The following PAPPA2 variants were observed in gnomAD, a reference collection of about 807,000 sequenced individuals.
The protein encoded by PAPPA2 is pappalysin 2.
A neutral mutation model predicts 176.4 loss-of-function variants in PAPPA2; 86 were observed. The observed-to-expected ratio is 0.49, with a 90% CI of 0.41 to 0.58. The LOEUF (loss-of-function observed/expected upper bound fraction) is 0.58. Among genes scored for constraint, PAPPA2 ranks in the 20% least tolerant of loss-of-function variants. The probability of loss-of-function intolerance (pLI) is 0.00; values close to 1 mark genes in which losing one functional copy is unlikely to be tolerated. For synonymous variants in PAPPA2, 809 were observed against 852.2 expected (o/e 0.95, Z 0.88); for missense variants, 2,073 against 2,256.9 (o/e 0.92, Z 1.65).
chr1:176,699,052 A>G, intron 7 of PAPPA2, 48 bp from the exon 8 acceptor site: 1 of 1,552,810 alleles, frequency 6.4e-7, no homozygotes, highest in South Asian at 1.2e-5. Flanking sequence ...TCATTTTCTG[A>G]CTTTTAATGG....
At chr1:176,516,060 G>GTGGCT (rs1294656051) in intron 1 of PAPPA2, among the ~76,000 whole-genome samples, 1 of 152,110 alleles carries the variant, frequency 6.6e-6, no homozygotes, top group Non-Finnish European at 1.5e-5. Context: ...ACTTTCTCTA[G>GTGGCT]TGGCTCTTGT....
chr1:176,794,115 G>A (rs1665315440), intron 20 of PAPPA2, among the ~76,000 whole-genome samples: 1 of 152,108 alleles, frequency 6.6e-6, no homozygotes, highest in African/African-American at 2.4e-5. Flanking sequence ...CCTTGCTCTG[G>A]GGGTTCTGCT....
intron 4 of PAPPA2, among the ~76,000 whole-genome samples, chr1:176,683,720 A>G (rs1659698514): frequency 6.6e-6 from 1 of 151,904 alleles, no homozygotes; most frequent in East Asian, 1.9e-4. Context: ...CCCTCAGGGA[A>G]TTTCTGGCAG....
At chr1:176,503,947 G>C (rs2294647) in intron 1 of PAPPA2, among the ~76,000 whole-genome samples, 94,698 of 151,986 alleles carry the variant, frequency 0.62, 31,376 homozygotes, top group East Asian at 0.95. Context: ...CTACAGAAGT[G>C]GGATGAAAAA....
rs146042228 is a variant in PAPPA2, at chr1:176,567,210, G to A, written c.919+9969G>A. Among the ~76,000 whole-genome samples, 27 of 152,278 alleles carry A rather than the reference G, an allele frequency of 1.8e-4. No individual in the cohort carries two copies. The East Asian group carries it at 4.8e-3, about 27-fold the overall frequency. ...GAGAACATCCAGTAAAGAAAACTCA[G>A]TGGGCAAACAAAAACATCCTAGTTC... is the stretch of plus-strand genomic sequence containing the variant. On this transcript the variant is annotated intron_variant, in intron 2 of 22. Coordinates refer to ENST00000367662, the MANE Select transcript of PAPPA2 (RefSeq NM_020318.3).
At chr1:176,514,854 T>C (rs1172139250) in intron 1 of PAPPA2, among the ~76,000 whole-genome samples, 1 of 152,212 alleles carries the variant, frequency 6.6e-6, no homozygotes, top group Non-Finnish European at 1.5e-5. Flanking sequence ...CTGGTAGAGT[T>C]TGCCCATTCC....
chr1:176,786,155 G>A (rs1340273073), intron 17 of PAPPA2, among the ~76,000 whole-genome samples: 2 of 152,080 alleles, frequency 1.3e-5, no homozygotes, highest in Non-Finnish European at 2.9e-5. Flanking sequence ...TTCTAGGAGA[G>A]GGACAAAAAG....
At chr1:176,503,745 A>G (rs1648094935) in intron 1 of PAPPA2, among the ~76,000 whole-genome samples, 1 of 152,206 alleles carries the variant, frequency 6.6e-6, no homozygotes, top group Non-Finnish European at 1.5e-5. Flanking sequence ...TAGGCAGAGG[A>G]TTGGCTCTTG....
intron 14 of PAPPA2, among the ~76,000 whole-genome samples, chr1:176,751,185 G>A (rs1160962637): frequency 6.6e-6 from 1 of 151,612 alleles, no homozygotes. Flanking sequence ...GCTCTGTTCT[G>A]TTCCATTGAT....
At chr1:176,553,365 G>C (rs545821178) in intron 1 of PAPPA2, 10 of 151,550 alleles carry the variant, frequency 6.6e-5, no homozygotes, top group African/African-American at 1.9e-4. Context: ...GGGGTGGTGT[G>C]TTGCGGGTAT....
intron 12 of PAPPA2, among the ~76,000 whole-genome samples, chr1:176,714,355 A>G (rs1661275705): frequency 6.6e-6 from 1 of 152,082 alleles, no homozygotes; most frequent in African/African-American, 2.4e-5. Flanking sequence ...GCCCTTTCCG[A>G]TGCAAAAAAG....
chr1:176,803,163 C>T (rs1201897238), intron 21 of PAPPA2, among the ~76,000 whole-genome samples: 12 of 152,262 alleles, frequency 7.9e-5, no homozygotes, highest in South Asian at 2.1e-4. Context: ...TGAAGTCAAA[C>T]GACCCTAGAT....
intron 12 of PAPPA2, among the ~76,000 whole-genome samples, chr1:176,729,748 A>G (rs981859669): frequency 6.6e-6 from 1 of 152,106 alleles, no homozygotes; most frequent in Non-Finnish European, 1.5e-5. Flanking sequence ...AAATTCAAGA[A>G]CTTGCTACCT....
chr1:176,680,283 A>T (rs1195799278), intron 4 of PAPPA2, among the ~76,000 whole-genome samples: 1 of 152,146 alleles, frequency 6.6e-6, no homozygotes, highest in Non-Finnish European at 1.5e-5. Flanking sequence ...GATGATGTGG[A>T]TGAGTTTGGT....
At chr1:176,795,228 A>G (rs1665374820) in intron 20 of PAPPA2, among the ~76,000 whole-genome samples, 1 of 151,728 alleles carries the variant, frequency 6.6e-6, no homozygotes, top group African/African-American at 2.4e-5. Context: ...CTTTTCTGCC[A>G]TGCTAATCCC....
chr1:176,558,984 C>T (rs1651499954), intron 2 of PAPPA2, among the ~76,000 whole-genome samples: 1 of 152,172 alleles, frequency 6.6e-6, no homozygotes, highest in African/African-American at 2.4e-5. Context: ...TCCTGTCCCT[C>T]CTGTGTCCTG....
At chr1:176,688,214 A>G (rs1029137897) in intron 4 of PAPPA2, among the ~76,000 whole-genome samples, 1 of 152,218 alleles carries the variant, frequency 6.6e-6, no homozygotes, top group African/African-American at 2.4e-5. Flanking sequence ...ATATGTACAG[A>G]GTAGAAGTGT....
At chr1:176,511,640 C>G (rs376272113) in intron 1 of PAPPA2, among the ~76,000 whole-genome samples, 2 of 152,122 alleles carry the variant, frequency 1.3e-5, no homozygotes, top group African/African-American at 4.8e-5. Flanking sequence ...CATCAGTAGA[C>G]GGGGTAAAGA....
intron 3 of PAPPA2, among the ~76,000 whole-genome samples, chr1:176,661,025 T>TG (rs1658330273): frequency 6.6e-6 from 1 of 152,134 alleles, no homozygotes; most frequent in African/African-American, 2.4e-5. Flanking sequence ...CAGGTCTTTT[T>TG]GGGGTCTTAT....
Sources: gnomAD v4.1 joint callset for allele counts (sites outside exome capture counted in the v4.1 genomes callset) on GRCh38, gnomAD v4.1.1 for gene constraint, MANE v1.5 for transcripts, NCBI Gene and HGNC (gene_info 2026-07-23, HGNC 2026-07-21) for gene names.